DDX46: variants seen among roughly 807,000 people sequenced by gnomAD.
DDX46 encodes the protein probable ATP-dependent RNA helicase DDX46.
In DDX46, 30 loss-of-function variants were observed where a neutral mutation model predicts 134.9. The ratio of observed to expected loss-of-function variants is 0.22; its 90% CI spans 0.17 to 0.30. DDX46 has a LOEUF of 0.30. Ranked by LOEUF, DDX46 falls within the 10% of genes least tolerant of loss-of-function variation. The probability of loss-of-function intolerance (pLI) is 1.00; values close to 1 mark genes in which losing one functional copy is unlikely to be tolerated. For synonymous variants in DDX46, 415 were observed against 404.1 expected (o/e 1.03, Z -0.32); for missense variants, 622 against 1,248.7 (o/e 0.50, Z 7.56).
intron 18 of DDX46, among the ~76,000 whole-genome samples, chr5:134,814,443 T>G (rs1336499646): frequency 6.6e-6 from 1 of 152,222 alleles, no homozygotes; most frequent in African/African-American, 2.4e-5. Flanking sequence ...AAATCAAAAG[T>G]AAGGTTAGCT....
At chr5:134,794,180 TTGA>T (rs1314781090) in intron 13 of DDX46, among the ~76,000 whole-genome samples, 1 of 152,204 alleles carries the variant, frequency 6.6e-6, no homozygotes, top group African/African-American at 2.4e-5. Flanking sequence ...AGAGTCCTTC[TTGA>T]TGACCCTGGC....
intron 1 of DDX46, among the ~76,000 whole-genome samples, chr5:134,762,033 G>A (rs1561847951): frequency 6.6e-6 from 1 of 152,060 alleles, no homozygotes; most frequent in East Asian, 1.9e-4. Context: ...TTAAGTGGAA[G>A]GATTGCTTGA....
At chr5:134,777,039 C>T (rs1222787699) in intron 5 of DDX46, among the ~76,000 whole-genome samples, 1 of 152,070 alleles carries the variant, frequency 6.6e-6, no homozygotes, top group Non-Finnish European at 1.5e-5. Context: ...GGTGAAACCC[C>T]CTCTTTACTA....
At chr5:134,767,628 A>T (rs1043991347) in intron 3 of DDX46, among the ~76,000 whole-genome samples, 1 of 151,560 alleles carries the variant, frequency 6.6e-6, no homozygotes, top group South Asian at 2.1e-4. Flanking sequence ...GGCCTGAGCC[A>T]CCGCGCCCAG....
chr5:134,792,778 T>C (rs1754541665), intron 13 of DDX46, among the ~76,000 whole-genome samples: 1 of 152,250 alleles, frequency 6.6e-6, no homozygotes, highest in Admixed American at 6.5e-5. Context: ...TCCGTGTATG[T>C]GCTTAGGTAC....
intron 1 of DDX46, among the ~76,000 whole-genome samples, chr5:134,759,300 T>A (rs964736383): frequency 1.3e-5 from 2 of 152,220 alleles, no homozygotes; most frequent in Non-Finnish European, 2.9e-5. Flanking sequence ...GCTTCGCGTT[T>A]CCAACATTTC....
chr5:134,802,159 CTTTTTTT>C (rs542615882), intron 15 of DDX46, among the ~76,000 whole-genome samples: 36 of 73,262 alleles, frequency 4.9e-4, no homozygotes, highest in Non-Finnish European at 7.8e-4. Flanking sequence ...TAATTTCTTT[CTTTTTTT>C]TTTTTTTTTT....
chr5:134,813,297 G>A (rs1044693540), intron 18 of DDX46, among the ~76,000 whole-genome samples: 3 of 152,184 alleles, frequency 2.0e-5, no homozygotes, highest in African/African-American at 7.2e-5. Context: ...AACTTAGCAG[G>A]TTAAAGCAAT....
At chr5:134,767,098 G>A (rs1219284564) in intron 3 of DDX46, 38 bp downstream of exon 3, 1 of 1,556,130 alleles carries the variant, frequency 6.4e-7, no homozygotes, top group Non-Finnish European at 8.7e-7. Context: ...AGTGCAGACT[G>A]GGGACTGCTT....
intron 22 of DDX46, among the ~76,000 whole-genome samples, chr5:134,828,000 A>G (rs545900813): frequency 2.0e-5 from 3 of 152,374 alleles, no homozygotes; most frequent in East Asian, 1.9e-4. Context: ...GTTGTTCTAC[A>G]TATTTGCCAA....
At chr5:134,796,853 T>TAAAA (rs140818499) in intron 15 of DDX46, among the ~76,000 whole-genome samples, 1 of 81,368 alleles carries the variant, frequency 1.2e-5, no homozygotes, top group African/African-American at 4.6e-5. Context: ...ACTCTCTCCA[T>TAAAA]AAAAAAAAAA....
At chr5:134,797,355 T>A (rs147502337) in intron 15 of DDX46, among the ~76,000 whole-genome samples, 39 of 152,270 alleles carry the variant, frequency 2.6e-4, no homozygotes, top group African/African-American at 8.2e-4. Context: ...TATATATATC[T>A]AGTCTCTGTT....
chr5:134,806,324 A>G (rs1398900578), intron 15 of DDX46, among the ~76,000 whole-genome samples: 1 of 152,106 alleles, frequency 6.6e-6, no homozygotes, highest in Non-Finnish European at 1.5e-5. Context: ...CATTTGATGT[A>G]TACCTGACTA....
intron 13 of DDX46, among the ~76,000 whole-genome samples, chr5:134,793,254 A>G (rs1561864025): frequency 6.6e-6 from 1 of 152,188 alleles, no homozygotes; most frequent in Non-Finnish European, 1.5e-5. Flanking sequence ...ATGCAGCACT[A>G]TTTGGAGGTG....
intron 7 of DDX46, among the ~76,000 whole-genome samples, chr5:134,781,526 T>G (rs984662988): frequency 3.9e-5 from 6 of 152,282 alleles, no homozygotes; most frequent in African/African-American, 1.2e-4. Context: ...CAGAATGAAT[T>G]AATTTTCTTT....
At chr5:134,803,270 A>G (rs1754886056) in intron 15 of DDX46, among the ~76,000 whole-genome samples, 2 of 151,986 alleles carry the variant, frequency 1.3e-5, no homozygotes, top group Admixed American at 1.3e-4. Context: ...CTGGGATTAC[A>G]GGTCTGAGCC....
chr5:134,818,758 C>G, intron 20 of DDX46, 102 bp from the exon 21 acceptor site: 2 of 882,194 alleles, frequency 2.3e-6, no homozygotes, highest in South Asian at 2.3e-5. Context: ...GAGAGAGAGA[C>G]CAACCATAAT....
At chr5:134,804,400 C>T (rs1418152717) in intron 15 of DDX46, among the ~76,000 whole-genome samples, 1 of 152,134 alleles carries the variant, frequency 6.6e-6, no homozygotes, top group Non-Finnish European at 1.5e-5. Flanking sequence ...TTAAGCGAGA[C>T]CTGAAAAAGA....
chr5:134,825,923 T>C (rs1006070973), intron 21 of DDX46: 9 of 152,250 alleles, frequency 5.9e-5, no homozygotes, highest in Non-Finnish European at 1.2e-4. Context: ...AATCAGTATA[T>C]TCTTTTACTT....
Sources: gnomAD v4.1 joint callset for allele counts (sites outside exome capture counted in the v4.1 genomes callset) on GRCh38, gnomAD v4.1.1 for gene constraint, MANE v1.5 for transcripts, NCBI Gene and HGNC (gene_info 2026-07-23, HGNC 2026-07-21) for gene names.